Variants in ADGRD1 observed in about 807,000 individuals in gnomAD.
ADGRD1 encodes the protein adhesion G protein-coupled receptor D1, also known as G-protein coupled receptor 133.
A neutral mutation model predicts 113.4 loss-of-function variants in ADGRD1; 77 were observed. The ratio of observed to expected loss-of-function variants is 0.68; its 90% CI spans 0.57 to 0.82. The LOEUF (loss-of-function observed/expected upper bound fraction) is 0.82. Ranked by LOEUF, ADGRD1 falls within the 40% of genes least tolerant of loss-of-function variation. The pLI is 0.00. For missense variants in ADGRD1, 1,036 were observed against 1,139.1 expected, an observed-to-expected ratio of 0.91 and a Z score of 1.30; for synonymous variants, 474 against 475.0, an observed-to-expected ratio of 1.00 and a Z score of 0.03.
chr12:131,007,076 G>A (rs1877218038), intron 12 of ADGRD1, among the ~76,000 whole-genome samples: 1 of 152,252 alleles, frequency 6.6e-6, no homozygotes, highest in South Asian at 2.1e-4. Context: ...GTGTCGCTGT[G>A]TCTTGTGCGG....
In ADGRD1 at chr12:131,006,179, C is replaced by T. The variant is rs545468604; in HGVS notation, c.1331+132C>T. The T allele has an allele frequency of 1.8e-4, 137 of 757,172 alleles. 1 individual carries two copies. Among genetic ancestry groups the T allele is most frequent in the Non-Finnish European group, 2.4e-4 (108 of 446,402 alleles). 46.9% of individuals were successfully genotyped at this position (757,172 alleles called of 1,614,324 possible). A position where few individuals can be genotyped will look rare whatever the true frequency, so the allele number is the denominator to read the frequency against. Reference sequence around the variant, plus strand: ...CACGAGTACCGGGCGCTTCACTGCTCGGGCAAGGAAACGTGAAGCGTTTTG... The same window carrying T: ...CACGAGTACCGGGCGCTTCACTGCTTGGGCAAGGAAACGTGAAGCGTTTTG... On this transcript the variant is annotated intron_variant, in intron 12 of 24. Coordinates refer to ENST00000261654, the MANE Select transcript of ADGRD1 (RefSeq NM_198827.5).
rs79312760 is a variant in ADGRD1 at position 130,979,414 on chromosome 12, A to G, written c.311-2470A>G. The stretch of plus-strand genomic sequence containing the variant: ...CACAAAGGTATAGTTGTCTTGATAT[A>G]TTGTCACAAGACATTTGAAGGACTT... On this transcript the variant is annotated intron_variant, in intron 4 of 24. Coordinates refer to ENST00000261654, the MANE Select transcript of ADGRD1 (RefSeq NM_198827.5). Among the ~76,000 whole-genome samples, 478 of 152,302 alleles carry G rather than the reference A, an allele frequency of 3.1e-3. 1 individual carries two copies. Among genetic ancestry groups the G allele is most frequent in the African/African-American group, 0.011 (449 of 41,572 alleles).
At chr12:130,968,561 C>T (rs1470492854) in intron 3 of ADGRD1, 1 of 170,808 alleles carries the variant, frequency 5.9e-6, no homozygotes, top group Non-Finnish European at 1.2e-5. Context: ...TTGTCATCAT[C>T]TCACGCAGTC....
At chr12:131,037,096 C>T (rs1407949745) in intron 13 of ADGRD1, among the ~76,000 whole-genome samples, 2 of 145,640 alleles carry the variant, frequency 1.4e-5, no homozygotes, top group African/African-American at 5.1e-5. Context: ...ACTCACTGCA[C>T]TGGGCCTCAC....
At chr12:131,051,079 G>A (rs1433187079) in intron 13 of ADGRD1, among the ~76,000 whole-genome samples, 12 of 152,218 alleles carry the variant, frequency 7.9e-5, no homozygotes, top group Non-Finnish European at 7.3e-5. Context: ...GGCCCCGCCT[G>A]CAACACTGGG....
At chr12:131,108,173 G>C (rs1281804951) in intron 17 of ADGRD1, among the ~76,000 whole-genome samples, 1 of 152,198 alleles carries the variant, frequency 6.6e-6, no homozygotes, top group Non-Finnish European at 1.5e-5. Flanking sequence ...GGAGCAGCAT[G>C]GTCGCCTGAG....
intron 13 of ADGRD1, among the ~76,000 whole-genome samples, chr12:131,046,179 AATGCTCCCTCCCTG>A (rs1477687701): frequency 8.1e-6 from 1 of 123,514 alleles, no homozygotes. Flanking sequence ...CTTCCTGGTC[AATGCTCCCTCCCTG>A]GTCAGTGCTC....
chr12:130,976,498 T>C (rs759975084), intron 4 of ADGRD1, among the ~76,000 whole-genome samples: 12 of 152,116 alleles, frequency 7.9e-5, no homozygotes, highest in Non-Finnish European at 1.8e-4. Flanking sequence ...GAATCGGCAT[T>C]TTTAGCCAGT....
At chr12:131,026,217 C>T (rs1879927311) in intron 13 of ADGRD1, 1 of 152,252 alleles carries the variant, frequency 6.6e-6, no homozygotes, top group Admixed American at 6.5e-5. Flanking sequence ...GACTGTGTCT[C>T]AGGGCACAGA....
At chr12:131,104,274 C>T (rs371672122) in intron 15 of ADGRD1, among the ~76,000 whole-genome samples, 30 of 151,802 alleles carry the variant, frequency 2.0e-4, no homozygotes, top group Middle Eastern at 6.8e-3. Flanking sequence ...CTACTTTGTG[C>T]GGGGACTGGG....
intron 18 of ADGRD1, among the ~76,000 whole-genome samples, chr12:131,109,503 GATT>G (rs896096119): frequency 6.6e-6 from 1 of 151,994 alleles, no homozygotes; most frequent in African/African-American, 2.4e-5. Context: ...TTGACCCATT[GATT>G]ATTTATGTTG....
chr12:131,121,917 G>A (rs1265027644), intron 20 of ADGRD1: 1 of 152,368 alleles, frequency 6.6e-6, no homozygotes, highest in African/African-American at 2.4e-5. Flanking sequence ...AGGGAAATGG[G>A]ATGGAGTCGA....
intron 12 of ADGRD1, among the ~76,000 whole-genome samples, chr12:131,009,758 CGT>C (rs1351662596): frequency 2.0e-5 from 3 of 151,880 alleles, no homozygotes; most frequent in Non-Finnish European, 2.9e-5. Flanking sequence ...TGCAAATGCG[CGT>C]GTGTGCATTT....
At chr12:131,065,308 C>A (rs1473888595) in intron 13 of ADGRD1, among the ~76,000 whole-genome samples, 1 of 152,184 alleles carries the variant, frequency 6.6e-6, no homozygotes, top group African/African-American at 2.4e-5. Context: ...TGGTGTTGCT[C>A]CTGCCAGGTT....
At chr12:131,134,487 T>C (rs1202608069) in intron 21 of ADGRD1, among the ~76,000 whole-genome samples, 3 of 152,378 alleles carry the variant, frequency 2.0e-5, no homozygotes, top group East Asian at 3.9e-4. Flanking sequence ...TTCTCAGTGA[T>C]TGATCCTTTC....
chr12:131,088,086 C>A (rs949782036), intron 15 of ADGRD1, among the ~76,000 whole-genome samples: 3 of 152,108 alleles, frequency 2.0e-5, no homozygotes, highest in Non-Finnish European at 2.9e-5. Flanking sequence ...GGGAGCAGCC[C>A]AGGGGAGAAG....
rs976885049 is a variant in ADGRD1, at chr12:131,124,190, C to T, written c.2175+3277C>T. 2.0e-5 allele frequency among the ~76,000 whole-genome samples: 3 copies of T among 152,304 alleles called. No homozygotes were observed. In the East Asian group the frequency reaches 5.8e-4, roughly 29 times the overall value. ...GGGTTTGTGCCATCTGGGCCAATTCCTCATTTACCCACAAGTCATCAGCCT... is the reference window on the plus strand; with the variant it reads ...GGGTTTGTGCCATCTGGGCCAATTCTTCATTTACCCACAAGTCATCAGCCT... On this transcript the variant is annotated intron_variant, in intron 20 of 24. Transcript: ENST00000261654.
intron 12 of ADGRD1, among the ~76,000 whole-genome samples, chr12:131,011,907 C>T (rs145032695): frequency 1.0e-3 from 159 of 152,258 alleles, no homozygotes; most frequent in African/African-American, 3.8e-3. Flanking sequence ...GCGTGCGGGG[C>T]GGGGACAAGG....
chr12:131,087,317 G>A (rs765153983), intron 15 of ADGRD1, among the ~76,000 whole-genome samples: 1 of 152,148 alleles, frequency 6.6e-6, no homozygotes, highest in Non-Finnish European at 1.5e-5. Flanking sequence ...CGGGTCCCTC[G>A]TGCACAGACA....
Sources: gnomAD v4.1 joint callset for allele counts (sites outside exome capture counted in the v4.1 genomes callset) on GRCh38, gnomAD v4.1.1 for gene constraint, MANE v1.5 for transcripts, NCBI Gene and HGNC (gene_info 2026-07-23, HGNC 2026-07-21) for gene names.